CDC73: variants seen among roughly 807,000 people sequenced by gnomAD.
CDC73 encodes cell division cycle 73, also known as parafibromin.
CDC73 carries 21 observed loss-of-function variants against 83.7 expected under a neutral mutation model. That is an observed-to-expected ratio of 0.25 (90% CI 0.18 to 0.36). CDC73 has a LOEUF of 0.36. Ranked by LOEUF, CDC73 falls within the 10% of genes least tolerant of loss-of-function variation. CDC73 has a pLI of 1.00. For synonymous variants in CDC73, 224 were observed against 212.9 expected, an observed-to-expected ratio of 1.05 and a Z score of -0.45; for missense variants, 342 against 653.3, an observed-to-expected ratio of 0.52 and a Z score of 5.19.
At position 193,200,345 on chromosome 1, in the gene CDC73, G is replaced by A. The variant is rs147244447; in HGVS notation, c.973-3450G>A. ...GATGGTATTATATATTACGATATCT[G>A]TTCCACTTGTTTAAGCAGCACATAC... is the stretch of plus-strand genomic sequence containing the variant. On this transcript the variant is annotated intron_variant, in intron 10 of 16. Coordinates refer to ENST00000367435, the MANE Select transcript of CDC73 (RefSeq NM_024529.5). 9.6e-3 allele frequency among the ~76,000 whole-genome samples: 1,463 copies of A among 152,200 alleles called. 15 individuals are homozygous for A. Among genetic ancestry groups the A allele is most frequent in the South Asian group, 0.034 (162 of 4,818 alleles).
At chr1:193,186,787 A>G (rs1048799462) in intron 10 of CDC73, 2 of 152,164 alleles carry the variant, frequency 1.3e-5, no homozygotes, top group African/African-American at 4.8e-5. Context: ...TGATGAGTGA[A>G]TAATTTGAAA....
chr1:193,210,354 T>C (rs1677256004), intron 11 of CDC73, among the ~76,000 whole-genome samples: 1 of 152,214 alleles, frequency 6.6e-6, no homozygotes, highest in Non-Finnish European at 1.5e-5. Context: ...ATGGTATCCA[T>C]TTTTAAGAAC....
chr1:193,192,402 C>CA (rs1367669861), intron 10 of CDC73, among the ~76,000 whole-genome samples: 2 of 152,160 alleles, frequency 1.3e-5, no homozygotes, highest in Non-Finnish European at 2.9e-5. Flanking sequence ...GAGATCGCGC[C>CA]ACTGCACTCC....
chr1:193,249,348 C>T (rs935444196), intron 15 of CDC73, among the ~76,000 whole-genome samples: 6 of 152,072 alleles, frequency 3.9e-5, no homozygotes, highest in Admixed American at 6.6e-5. Flanking sequence ...ACAGTGTTAA[C>T]GTAACTACGT....
chr1:193,201,352 T>C (rs190280032), intron 10 of CDC73, among the ~76,000 whole-genome samples: 1 of 152,294 alleles, frequency 6.6e-6, no homozygotes, highest in Admixed American at 6.5e-5. Context: ...ATAGTAGATA[T>C]TATAAAGTGT....
Position 193,135,530 on chromosome 1 carries a change from T to C in CDC73, c.371-7T>C, listed in dbSNP as rs757680253. The C allele has an allele frequency of 3.7e-6, 6 of 1,613,526 alleles. No individual in the cohort carries two copies. In the Admixed American group the frequency reaches 1.0e-4, roughly 27 times the overall value. The stretch of plus-strand genomic sequence containing the variant: ...TACACATTTATTTACTTCTCTTTCT[T>C]TTATAGTCAAACGAGCTGCAGATGA... On this transcript the variant is annotated splice_polypyrimidine_tract_variant and splice_region_variant and intron_variant, in intron 4 of 16. Transcript: ENST00000367435.
intron 15 of CDC73, among the ~76,000 whole-genome samples, chr1:193,249,295 T>C (rs979809455): frequency 1.3e-5 from 2 of 152,060 alleles, no homozygotes; most frequent in Non-Finnish European, 2.9e-5. Flanking sequence ...TGTACACTGT[T>C]TTTTAGACAT....
In CDC73 at chr1:193,254,025, A is replaced by T. The variant is rs1678091218; in HGVS notation, c.*3313A>T. On this transcript the variant is annotated 3_prime_UTR_variant, in exon 17 of 17. Transcript: ENST00000367435. The stretch of plus-strand genomic sequence containing the variant: ...TATTACAAATACAACAATTATTTAT[A>T]AAAGCTAGTCAAATTAATGGCTTAG... The T allele has an allele frequency of 4.5e-6, 1 of 223,134 alleles. No homozygotes were observed. Among genetic ancestry groups the T allele is most frequent in the African/African-American group, 2.2e-5 (1 of 44,844 alleles). The allele number at this position is 223,134 out of a possible 1,614,324, so 13.8% of individuals were successfully genotyped here.
chr1:193,137,604 G>A (rs1675823267), intron 5 of CDC73, among the ~76,000 whole-genome samples: 1 of 152,118 alleles, frequency 6.6e-6, no homozygotes. Context: ...AGCTTCTAAC[G>A]TTCTAATGAC....
intron 13 of CDC73, among the ~76,000 whole-genome samples, chr1:193,216,142 G>A (rs1249023126): frequency 6.6e-6 from 1 of 152,044 alleles, no homozygotes; most frequent in African/African-American, 2.4e-5. Context: ...CCATGCAAAA[G>A]ATCAATAAAA....
intron 10 of CDC73, among the ~76,000 whole-genome samples, chr1:193,162,808 A>C (rs116753619): frequency 0.012 from 1,841 of 152,264 alleles, 18 homozygotes; most frequent in South Asian, 0.034. Context: ...CAGTTTTTCT[A>C]CAGTGTCTTT....
chr1:193,129,773 A>G lies in CDC73; in HGVS notation c.238-401A>G, dbSNP rs552883747. On this transcript the variant is annotated intron_variant, in intron 2 of 16. Transcript: ENST00000367435. ...GGTGATCCACCCACCTCAGCCTCCC[A>G]AAGTGCTGGGATTCTAGGTGTGAGC... is the stretch of plus-strand genomic sequence containing the variant. Among the ~76,000 whole-genome samples the G allele has an allele frequency of 2.8e-4, 42 of 152,178 alleles. 1 individual carries two copies. The South Asian group carries it at 8.5e-3, about 31-fold the overall frequency.
At chr1:193,248,522 A>G (rs542400985) in intron 15 of CDC73, among the ~76,000 whole-genome samples, 11 of 152,112 alleles carry the variant, frequency 7.2e-5, no homozygotes, top group Non-Finnish European at 1.0e-4. Context: ...TTTAGCTGCT[A>G]TAGATAGTGA....
Position 193,253,351 on chromosome 1 carries a change from C to T in CDC73, c.*2639C>T, listed in dbSNP as rs1361287206. ...TTTAATTTGTTATTGAAAACAGTAC[C>T]AGTATTAAATGTGTTTCCTCTTCCT... is the stretch of plus-strand genomic sequence containing the variant. On this transcript the variant is annotated 3_prime_UTR_variant, in exon 17 of 17. Transcript: ENST00000367435. 1 of 232,322 alleles carries T rather than the reference C, an allele frequency of 4.3e-6. No homozygotes were observed. Among genetic ancestry groups the T allele is most frequent in the Non-Finnish European group, 8.5e-6 (1 of 117,552 alleles). 14.4% of individuals were successfully genotyped at this position (232,322 alleles called of 1,614,324 possible).
intron 10 of CDC73, among the ~76,000 whole-genome samples, chr1:193,199,931 T>G (rs1325056873): frequency 6.6e-6 from 1 of 151,730 alleles, no homozygotes; most frequent in Non-Finnish European, 1.5e-5. Flanking sequence ...GCATATATGT[T>G]CTATATATGT....
intron 10 of CDC73, among the ~76,000 whole-genome samples, chr1:193,188,882 T>A (rs1249416209): frequency 2.0e-5 from 3 of 151,786 alleles, no homozygotes; most frequent in Non-Finnish European, 2.9e-5. Flanking sequence ...TAACAAAAGG[T>A]GCCTATGTAC....
intron 10 of CDC73, among the ~76,000 whole-genome samples, chr1:193,193,780 AGTGTGTGTGTGTGTGT>A (rs71111459): frequency 3.5e-4 from 47 of 135,916 alleles, no homozygotes; most frequent in Non-Finnish European, 4.1e-4. Context: ...TCTTACTTGT[AGTGTGTGTGTGTGTGT>A]GTGTGTGTGT....
intron 5 of CDC73, among the ~76,000 whole-genome samples, chr1:193,136,139 G>A (rs1386706528): frequency 6.6e-6 from 1 of 152,052 alleles, no homozygotes; most frequent in Non-Finnish European, 1.5e-5. Flanking sequence ...GGCCTTATGG[G>A]CCATACAGTT....
At chr1:193,154,958 A>G (rs1022447505) in intron 10 of CDC73, among the ~76,000 whole-genome samples, 2 of 152,056 alleles carry the variant, frequency 1.3e-5, no homozygotes, top group African/African-American at 4.8e-5. Context: ...TTCCTTCCTA[A>G]TTTATGTATA....
Sources: allele counts gnomAD v4.1 joint callset (sites outside exome capture counted in the v4.1 genomes callset), GRCh38; gene constraint gnomAD v4.1.1; transcripts MANE v1.5; gene names NCBI Gene and HGNC (gene_info 2026-07-23, HGNC 2026-07-21).